The following TRABD2B variants were observed in gnomAD, a reference collection of about 807,000 sequenced individuals.
TRABD2B encodes metalloprotease TIKI2.
In TRABD2B, 14 loss-of-function variants were observed where a neutral mutation model predicts 40.1. That is an observed-to-expected ratio of 0.35 (90% CI 0.23 to 0.55). TRABD2B has a LOEUF of 0.55. Ranked by LOEUF, TRABD2B falls within the 20% of genes least tolerant of loss-of-function variation. TRABD2B has a pLI of 0.90. For synonymous variants in TRABD2B, 263 were observed against 277.0 expected, an observed-to-expected ratio of 0.95 and a Z score of 0.50; for missense variants, 541 against 648.6, an observed-to-expected ratio of 0.83 and a Z score of 1.80.
chr1:47,870,099 A>G (rs555214072), intron 2 of TRABD2B, among the ~76,000 whole-genome samples: 2 of 152,282 alleles, frequency 1.3e-5, no homozygotes, highest in African/African-American at 2.4e-5. Context: ...ACCTGCAGCT[A>G]AAGATTTAAA....
chr1:47,764,409 C>T lies in TRABD2B; in HGVS notation c.*1493G>A, dbSNP rs191548032. On this transcript the variant is annotated 3_prime_UTR_variant, in exon 7 of 7. Transcript: ENST00000606738. ...TCAGGCCTCCCAGGTGGGAGTTAGC[C>T]CACCTGGGTCCTCTGTCTCCTCAAC... The T allele has an allele frequency of 2.9e-3, 444 of 152,228 alleles. 2 individuals carry two copies. Among genetic ancestry groups the T allele is most frequent in the African/African-American group, 0.01 (430 of 41,550 alleles). 9.4% of individuals were successfully genotyped at this position (152,228 alleles called of 1,614,324 possible).
At chr1:47,881,945 G>A (rs945402205) in intron 2 of TRABD2B, among the ~76,000 whole-genome samples, 20 of 152,164 alleles carry the variant, frequency 1.3e-4, no homozygotes, top group Non-Finnish European at 2.2e-4. Flanking sequence ...TGAGGAGTTG[G>A]GCAGGGCTCA....
intron 2 of TRABD2B, among the ~76,000 whole-genome samples, chr1:47,854,635 C>T (rs1476736214): frequency 2.6e-5 from 4 of 152,104 alleles, no homozygotes; most frequent in Non-Finnish European, 5.9e-5. Context: ...TGCTTTAGAC[C>T]CTGCTAGGGA....
At chr1:47,872,756 T>G (rs568276183) in intron 2 of TRABD2B, among the ~76,000 whole-genome samples, 2 of 152,234 alleles carry the variant, frequency 1.3e-5, no homozygotes, top group South Asian at 4.2e-4. Context: ...AGGGAGTCCC[T>G]TGAGAAGACT....
At chr1:47,940,656 C>T (rs939701945) in intron 2 of TRABD2B, among the ~76,000 whole-genome samples, 3 of 152,208 alleles carry the variant, frequency 2.0e-5, no homozygotes, top group Non-Finnish European at 4.4e-5. Context: ...AGCCCCGCTA[C>T]AGTGCTCTGT....
At chr1:47,848,115 G>A (rs1363797989) in intron 2 of TRABD2B, among the ~76,000 whole-genome samples, 1 of 152,198 alleles carries the variant, frequency 6.6e-6, no homozygotes, top group East Asian at 1.9e-4. Context: ...AAGGACCCCA[G>A]CCCCTAGACT....
At chr1:47,877,859 G>A (rs1045879632) in intron 2 of TRABD2B, among the ~76,000 whole-genome samples, 3 of 152,070 alleles carry the variant, frequency 2.0e-5, no homozygotes, top group African/African-American at 7.2e-5. Context: ...GGGTGTGGTG[G>A]TGCACACCTA....
At chr1:47,931,455 G>C (rs1326979451) in intron 2 of TRABD2B, among the ~76,000 whole-genome samples, 1 of 152,150 alleles carries the variant, frequency 6.6e-6, no homozygotes, top group African/African-American at 2.4e-5. Context: ...GGTGGGTTCT[G>C]CAACTACTTT....
chr1:47,792,352 C>A (rs1644686471), intron 4 of TRABD2B, among the ~76,000 whole-genome samples: 1 of 152,226 alleles, frequency 6.6e-6, no homozygotes, highest in Non-Finnish European at 1.5e-5. Context: ...TTAAGTGGTG[C>A]CCCACCTCTG....
intron 2 of TRABD2B, among the ~76,000 whole-genome samples, chr1:47,883,936 A>T (rs1167626385): frequency 1.3e-5 from 2 of 152,166 alleles, no homozygotes. Flanking sequence ...CTCTCTCTCC[A>T]TGGGGATTTT....
chr1:47,897,950 GA>G (rs1300304352), intron 2 of TRABD2B, among the ~76,000 whole-genome samples: 2 of 152,190 alleles, frequency 1.3e-5, no homozygotes, highest in East Asian at 3.9e-4. Flanking sequence ...CCTGATACAA[GA>G]AAAAAATAAC....
At chr1:47,774,287 T>G (rs1239116039) in intron 6 of TRABD2B, among the ~76,000 whole-genome samples, 9 of 152,190 alleles carry the variant, frequency 5.9e-5, no homozygotes. Flanking sequence ...CTCCCCCTGA[T>G]AGAGACTCTG....
At chr1:47,903,267 T>G (rs1409255395) in intron 2 of TRABD2B, among the ~76,000 whole-genome samples, 1 of 152,126 alleles carries the variant, frequency 6.6e-6, no homozygotes, top group Non-Finnish European at 1.5e-5. Flanking sequence ...CACCTGCAAC[T>G]TCTGCACACC....
At chr1:47,848,874 A>C (rs1645508318) in intron 2 of TRABD2B, among the ~76,000 whole-genome samples, 1 of 152,230 alleles carries the variant, frequency 6.6e-6, no homozygotes. Context: ...CTGTCTTCTC[A>C]GGTAGTCACA....
At chr1:47,936,810 T>C (rs971733858) in intron 2 of TRABD2B, among the ~76,000 whole-genome samples, 10 of 152,110 alleles carry the variant, frequency 6.6e-5, no homozygotes, top group Non-Finnish European at 1.0e-4. Flanking sequence ...GGAATAAGTA[T>C]GTGGAAACCA....
intron 2 of TRABD2B, among the ~76,000 whole-genome samples, chr1:47,940,366 T>C: frequency 6.6e-6 from 1 of 152,192 alleles, no homozygotes; most frequent in East Asian, 1.9e-4. Flanking sequence ...AACAAGTCAC[T>C]GTGTCCGACG....
At chr1:47,771,322 C>T (rs1644375313) in intron 6 of TRABD2B, among the ~76,000 whole-genome samples, 1 of 152,166 alleles carries the variant, frequency 6.6e-6, no homozygotes, top group African/African-American at 2.4e-5. Flanking sequence ...TGTCCTGCAC[C>T]CCCTCCCCCT....
At chr1:47,909,424 G>A (rs1481501482) in intron 2 of TRABD2B, among the ~76,000 whole-genome samples, 1 of 150,642 alleles carries the variant, frequency 6.6e-6, no homozygotes, top group Non-Finnish European at 1.5e-5. Flanking sequence ...CAGAGAGAAG[G>A]GGAGAGAGAG....
intron 2 of TRABD2B, among the ~76,000 whole-genome samples, chr1:47,823,101 T>C (rs1645132077): frequency 1.3e-5 from 2 of 152,378 alleles, no homozygotes; most frequent in South Asian, 4.1e-4. Flanking sequence ...CAGATCCATC[T>C]GTGTGATAGG....
Sources: gnomAD v4.1 joint callset for allele counts (sites outside exome capture counted in the v4.1 genomes callset) on GRCh38, gnomAD v4.1.1 for gene constraint, MANE v1.5 for transcripts, NCBI Gene and HGNC (gene_info 2026-07-23, HGNC 2026-07-21) for gene names.